Variants in SORCS2 observed in about 807,000 individuals in gnomAD.
SORCS2 encodes VPS10 domain-containing receptor SorCS2.
A neutral mutation model predicts 141.6 loss-of-function variants in SORCS2; 100 were observed. The ratio of observed to expected loss-of-function variants is 0.71; its 90% confidence interval spans 0.60 to 0.83. The LOEUF (loss-of-function observed/expected upper bound fraction) is 0.83, where lower values mean the gene tolerates loss of function less well. Ranked by LOEUF, SORCS2 falls within the 40% of genes least tolerant of loss-of-function variation. SORCS2 has a pLI of 0.00. For synonymous variants in SORCS2, 789 were observed against 676.9 expected, an observed-to-expected ratio of 1.17 and a Z score of -2.57; for missense variants, 1,646 against 1,560.2, an observed-to-expected ratio of 1.05 and a Z score of -0.93.
intron 1 of SORCS2, among the ~76,000 whole-genome samples, chr4:7,364,300 G>A (rs1721753399): frequency 6.6e-6 from 1 of 152,246 alleles, no homozygotes; most frequent in Non-Finnish European, 1.5e-5. Flanking sequence ...TTCTTTCCAA[G>A]TGGGGAGGTT....
At chr4:7,497,415 C>T (rs1284278721) in intron 2 of SORCS2, among the ~76,000 whole-genome samples, 1 of 151,928 alleles carries the variant, frequency 6.6e-6, no homozygotes, top group Non-Finnish European at 1.5e-5. Context: ...AGTCCCCTCC[C>T]AAACCCACAC....
chr4:7,699,767 C>T (rs1380830437), intron 12 of SORCS2, among the ~76,000 whole-genome samples: 1 of 152,208 alleles, frequency 6.6e-6, no homozygotes, highest in Admixed American at 6.5e-5. Flanking sequence ...TGGCCATGCA[C>T]GCGTTCCACT....
At chr4:7,255,425 C>T (rs574587901) in intron 1 of SORCS2, among the ~76,000 whole-genome samples, 93 of 152,124 alleles carry the variant, frequency 6.1e-4, no homozygotes, top group African/African-American at 2.1e-3. Flanking sequence ...TGAGTTGGAG[C>T]GAATTGTCAG....
rs1317699766 is a variant in SORCS2 at position 7,233,331 on chromosome 4, T to C, written c.480+40205T>C. On this transcript the variant is annotated intron_variant, in intron 1 of 26. Coordinates refer to ENST00000507866, the MANE Select transcript of SORCS2 (RefSeq NM_020777.3). This position sits in a 1 kb window ranked among gnomAD's most constrained non-coding sequence, Gnocchi z 4.5. ...TGGGGACAGGAGCACATCCAGGGTG[T>C]CATCATGATGACGTCTCCTGGCCAC... 6.6e-6 allele frequency among the ~76,000 whole-genome samples: 1 copy of C among 152,068 alleles called. No homozygotes were observed. Among genetic ancestry groups the C allele is most frequent in the East Asian group, 1.9e-4 (1 of 5,178 alleles).
intron 3 of SORCS2, among the ~76,000 whole-genome samples, chr4:7,547,263 C>T (rs192374685): frequency 3.4e-4 from 52 of 152,350 alleles, no homozygotes; most frequent in Admixed American, 2.9e-3. Flanking sequence ...ACACTACCTT[C>T]GCTACTGTCT....
intron 9 of SORCS2, among the ~76,000 whole-genome samples, chr4:7,679,922 G>A: frequency 6.6e-6 from 1 of 152,164 alleles, no homozygotes; most frequent in Non-Finnish European, 1.5e-5. Flanking sequence ...TTTTCATGGA[G>A]ACCCAGCTGG....
chr4:7,404,739 A>G (rs1192151853), intron 2 of SORCS2, among the ~76,000 whole-genome samples: 2 of 152,154 alleles, frequency 1.3e-5, no homozygotes, highest in Non-Finnish European at 2.9e-5. Flanking sequence ...AGTTCCTTAT[A>G]AAGTCTGGAT....
In SORCS2 at chr4:7,455,676, G is replaced by A. The variant is rs572413863; in HGVS notation, c.548+59321G>A. Among the ~76,000 whole-genome samples, 13 of 150,994 alleles carry A rather than the reference G, an allele frequency of 8.6e-5. No homozygotes were observed. The East Asian group carries it at 2.4e-3, about 27-fold the overall frequency. The stretch of plus-strand genomic sequence containing the variant: ...GCTTCGTGTTGGGGTCAGGCTCCGT[G>A]TTGGGGTCAGGTGCTGTGTTTGGGT... On this transcript the variant is annotated intron_variant, in intron 2 of 26. Coordinates refer to ENST00000507866, the MANE Select transcript of SORCS2 (RefSeq NM_020777.3).
chr4:7,688,164 A>C (rs1323104576), intron 10 of SORCS2, among the ~76,000 whole-genome samples: 3 of 152,240 alleles, frequency 2.0e-5, no homozygotes, highest in Non-Finnish European at 4.4e-5. Context: ...TTATAAAGAC[A>C]TGAAATGAAG....
rs1363851296 is a variant in SORCS2 at position 7,232,363 on chromosome 4, C to T, written c.480+39237C>T. Among the ~76,000 whole-genome samples, 3 of 152,182 alleles carry T rather than the reference C, an allele frequency of 2.0e-5. No individual in the cohort carries two copies. In the East Asian group the frequency reaches 5.8e-4, roughly 29 times the overall value. ...TGCCTGTTCCCTGTGGGCTCTGCTC[C>T]TGGTGCTGCCAGACTCCTAGGACCC... On this transcript the variant is annotated intron_variant, in intron 1 of 26. Transcript: ENST00000507866.
At chr4:7,210,171 G>T (rs1011840182) in intron 1 of SORCS2, among the ~76,000 whole-genome samples, 1 of 152,216 alleles carries the variant, frequency 6.6e-6, no homozygotes, top group Non-Finnish European at 1.5e-5. Flanking sequence ...GGGCCAGGTG[G>T]GTGGGGACGT....
chr4:7,439,947 C>G (rs573276278), intron 2 of SORCS2, among the ~76,000 whole-genome samples: 1 of 152,072 alleles, frequency 6.6e-6, no homozygotes, highest in South Asian at 2.1e-4. Flanking sequence ...AGGACTTCTC[C>G]GAAGTGACCA....
At chr4:7,349,221 T>C (rs931065505) in intron 1 of SORCS2, among the ~76,000 whole-genome samples, 3 of 152,134 alleles carry the variant, frequency 2.0e-5, no homozygotes, top group Non-Finnish European at 4.4e-5. Flanking sequence ...CTCCAGTCTG[T>C]CTCATTGCAA....
At chr4:7,507,250 C>G (rs553275860) in intron 2 of SORCS2, among the ~76,000 whole-genome samples, 7 of 152,094 alleles carry the variant, frequency 4.6e-5, no homozygotes, top group Non-Finnish European at 8.8e-5. Flanking sequence ...TCTCAGTTCA[C>G]TGCAACCTCT....
At chr4:7,539,892 C>T (rs1048733012) in intron 3 of SORCS2, among the ~76,000 whole-genome samples, 1 of 149,792 alleles carries the variant, frequency 6.7e-6, no homozygotes, top group African/African-American at 2.5e-5. Context: ...GCTGTGGGGG[C>T]CACGCCCACT....
chr4:7,275,140 G>A lies in SORCS2; in HGVS notation c.480+82014G>A, dbSNP rs141070685. ...ACGGGCATCTTCGTGGTTGCCAAGC[G>A]TGTCCTAGTTGGGCATAAGTGTCTC... On this transcript the variant is annotated intron_variant, in intron 1 of 26. Coordinates refer to ENST00000507866, the MANE Select transcript of SORCS2 (RefSeq NM_020777.3). Among the ~76,000 whole-genome samples the A allele has an allele frequency of 7.2e-3, 1,096 of 152,308 alleles. 9 individuals are homozygous for A. The highest frequency in any genetic ancestry group is 0.025 in the African/African-American group (1,024 of 41,562).
In SORCS2 at chr4:7,718,298, C is replaced by T. The variant is rs936710797; in HGVS notation, c.2424+115C>T. The T allele has an allele frequency of 9.2e-6, 11 of 1,194,658 alleles. 1 individual carries two copies. Among genetic ancestry groups the T allele is most frequent in the Middle Eastern group, 2.8e-4 (1 of 3,620 alleles). The allele number at this position is 1,194,658 out of a possible 1,614,324, so 74.0% of individuals were successfully genotyped here. A position where few individuals can be genotyped will look rare whatever the true frequency, so the allele number is the denominator to read the frequency against. On this transcript the variant is annotated intron_variant, in intron 18 of 26. Coordinates refer to ENST00000507866, the MANE Select transcript of SORCS2 (RefSeq NM_020777.3). The stretch of plus-strand genomic sequence containing the variant: ...TCCACCTAGAAGTGGCTCAGGGCAT[C>T]GTCATCAGCCAGCCTGTCCAGACTG...
Position 7,741,186 on chromosome 4 carries a change from C to A in SORCS2, c.*922C>A. 2.5e-6 allele frequency: 1 copy of A among 398,778 alleles called. No individual in the cohort carries two copies. The highest frequency in any genetic ancestry group is 4.4e-6 in the Non-Finnish European group (1 of 226,138). The allele number at this position is 398,778 out of a possible 1,614,324, so 24.7% of individuals were successfully genotyped here. On this transcript the variant is annotated 3_prime_UTR_variant, in exon 27 of 27. Transcript: ENST00000507866. ...CGGCACCAGATGTACCAGTTTTCTG[C>A]AGTTCCTTATAGGCGAAGGGAACCG...
At position 7,233,829 on chromosome 4, in the gene SORCS2, C is replaced by G. The variant is rs781223673; in HGVS notation, c.480+40703C>G. 2.0e-5 allele frequency among the ~76,000 whole-genome samples: 3 copies of G among 152,174 alleles called. No individual in the cohort carries two copies. The highest frequency in any genetic ancestry group is 1.5e-5 in the Non-Finnish European group (1 of 68,046). On this transcript the variant is annotated intron_variant, in intron 1 of 26. Transcript: ENST00000507866. The surrounding 1 kb of genome is among the most constrained non-coding windows in gnomAD (Gnocchi z 4.5). ...AAAATGGGTGCCGTGGTGCAAACAT[C>G]AGAGGGTGGTGGGGAGGAGTCTGAG...
Sources: allele counts gnomAD v4.1 joint callset (sites outside exome capture counted in the v4.1 genomes callset), GRCh38; gene constraint gnomAD v4.1.1; non-coding constraint Gnocchi (gnomAD v3.1); transcripts MANE v1.5; gene names NCBI Gene and HGNC (gene_info 2026-07-23, HGNC 2026-07-21).